Variants in ADAMTS16 observed in about 807,000 individuals in gnomAD.
The protein encoded by ADAMTS16 is ADAM metallopeptidase with thrombospondin type 1 motif 16.
A neutral mutation model predicts 145.8 loss-of-function variants in ADAMTS16; 94 were observed. That is an observed-to-expected ratio of 0.64 (90% CI 0.55 to 0.77). The LOEUF (loss-of-function observed/expected upper bound fraction) is 0.77, where lower values mean the gene tolerates loss of function less well. ADAMTS16 is among the 30% of genes least tolerant of loss of function. ADAMTS16 has a pLI of 0.00. For synonymous variants in ADAMTS16, 659 were observed against 604.3 expected (o/e 1.09, Z -1.33); for missense variants, 1,585 against 1,591.5 (o/e 1.00, Z 0.07).
At chr5:5,207,076 A>G (rs1279255110) in intron 9 of ADAMTS16, among the ~76,000 whole-genome samples, 1 of 152,222 alleles carries the variant, frequency 6.6e-6, no homozygotes, top group Non-Finnish European at 1.5e-5. Flanking sequence ...GTTTGTTTAT[A>G]TCCTCAAAAT....
intron 17 of ADAMTS16, among the ~76,000 whole-genome samples, chr5:5,251,966 G>T (rs966916562): frequency 6.6e-6 from 1 of 152,024 alleles, no homozygotes; most frequent in South Asian, 2.1e-4. Flanking sequence ...TTCTCCTGCC[G>T]CAGCCTCCCG....
rs149778267 is a variant in ADAMTS16 at position 5,283,912 on chromosome 5, T to C, written c.2790-19356T>C. ...TTCTTTACTGGTCTGGTGGCTTTAA[T>C]AGTATTTTCTTTATAATTTTTTATA... On this transcript the variant is annotated intron_variant, in intron 18 of 22. Transcript: ENST00000274181. Among the ~76,000 whole-genome samples the C allele has an allele frequency of 1.5e-4, 23 of 152,348 alleles. No homozygotes were observed. In the East Asian group the frequency reaches 2.9e-3, roughly 19 times the overall value.
chr5:5,251,285 T>C (rs1014722276), intron 17 of ADAMTS16, among the ~76,000 whole-genome samples: 3 of 152,204 alleles, frequency 2.0e-5, no homozygotes, highest in African/African-American at 7.2e-5. Context: ...TCTATGTCAC[T>C]ATGTCATCTG....
chr5:5,313,233 C>T (rs1740527610), intron 21 of ADAMTS16, among the ~76,000 whole-genome samples: 1 of 152,156 alleles, frequency 6.6e-6, no homozygotes, highest in African/African-American at 2.4e-5. Flanking sequence ...AGCACTTGTG[C>T]CCAAGTCTCT....
At chr5:5,144,165 A>G (rs1459118674) in intron 2 of ADAMTS16, among the ~76,000 whole-genome samples, 1 of 152,130 alleles carries the variant, frequency 6.6e-6, no homozygotes, top group Admixed American at 6.5e-5. Context: ...TAGCGAACAT[A>G]ATAACAATGC....
intron 17 of ADAMTS16, among the ~76,000 whole-genome samples, chr5:5,253,551 C>T (rs906193159): frequency 1.3e-5 from 2 of 152,178 alleles, no homozygotes; most frequent in Admixed American, 6.5e-5. Context: ...CAGTTCCCAG[C>T]TTGACTTCTC....
At chr5:5,284,666 T>C (rs776889844) in intron 18 of ADAMTS16, among the ~76,000 whole-genome samples, 2 of 152,254 alleles carry the variant, frequency 1.3e-5, no homozygotes, top group Admixed American at 6.5e-5. Flanking sequence ...GGTGTCTTCA[T>C]TGAATTCTCA....
Position 5,303,332 on chromosome 5 carries a change from G to C in ADAMTS16, c.2854G>C (p.Val952Leu). ...TCGGGAQSRP[V>L]QCTRRVHYDS... ...TGGCGGGGGTGCCCAGAGCCGCCCCGTGCAGTGCACACGGCGGGTGCACTA... is the reference window on the plus strand; with the variant it reads ...TGGCGGGGGTGCCCAGAGCCGCCCCCTGCAGTGCACACGGCGGGTGCACTA... Residue 952 changes from valine to leucine, a missense_variant, in exon 19 of 23, where the codon GTG becomes CTG. Physicochemically the swap from Val to Leu is conservative, Grantham distance 32. Transcript: ENST00000274181. 1 of 1,606,456 alleles carries C rather than the reference G, an allele frequency of 6.2e-7. No individual in the cohort carries two copies. Among genetic ancestry groups the C allele is most frequent in the Non-Finnish European group, 8.5e-7 (1 of 1,177,018 alleles).
intron 17 of ADAMTS16, among the ~76,000 whole-genome samples, chr5:5,258,785 C>T (rs1737888830): frequency 1.3e-5 from 2 of 151,834 alleles, no homozygotes; most frequent in Admixed American, 1.3e-4. Flanking sequence ...AAAAAATAGG[C>T]TTTTAATCTG....
chr5:5,214,335 AT>A (rs1736365405), intron 10 of ADAMTS16, among the ~76,000 whole-genome samples: 2 of 152,180 alleles, frequency 1.3e-5, no homozygotes, highest in Non-Finnish European at 2.9e-5. Context: ...AAATCACATA[AT>A]GTCAGATCAT....
At chr5:5,311,575 C>A (rs1244408013) in intron 21 of ADAMTS16, among the ~76,000 whole-genome samples, 24 of 147,688 alleles carry the variant, frequency 1.6e-4, no homozygotes, top group African/African-American at 5.3e-4. Context: ...TGAGATGAAG[C>A]CTTGCTCTGT....
intron 5 of ADAMTS16, 99 bp downstream of exon 5, chr5:5,186,350 T>G: frequency 9.1e-7 from 1 of 1,104,698 alleles, no homozygotes; most frequent in Non-Finnish European, 1.3e-6. Context: ...ATTTTACTTG[T>G]TACCTGTGGA....
intron 3 of ADAMTS16, among the ~76,000 whole-genome samples, chr5:5,157,436 T>A (rs955700655): frequency 6.6e-6 from 1 of 152,086 alleles, no homozygotes; most frequent in Non-Finnish European, 1.5e-5. Context: ...TGCTGATCAC[T>A]CCCTAGCTTT....
chr5:5,277,904 C>A (rs1004553237), intron 18 of ADAMTS16, among the ~76,000 whole-genome samples: 1 of 152,034 alleles, frequency 6.6e-6, no homozygotes, highest in South Asian at 2.1e-4. Context: ...ATTGTTTGCA[C>A]CTGGGAGGTC....
Position 5,239,463 on chromosome 5 carries a change from A to T in ADAMTS16, c.2278+189A>T, listed in dbSNP as rs542592379. On this transcript the variant is annotated intron_variant, in intron 15 of 22. Coordinates refer to ENST00000274181, the MANE Select transcript of ADAMTS16 (RefSeq NM_139056.4). ...AGTGGTTGCTGAGTTATTTGCAATA[A>T]AATTGTTCTTAGGAAAAGTGACCAT... is the stretch of plus-strand genomic sequence containing the variant. Among the ~76,000 whole-genome samples, 21 of 152,262 alleles carry T rather than the reference A, an allele frequency of 1.4e-4. 1 individual carries two copies. The South Asian group carries it at 4.4e-3, about 32-fold the overall frequency.
At chr5:5,267,832 C>T (rs898845564) in intron 18 of ADAMTS16, among the ~76,000 whole-genome samples, 4 of 152,174 alleles carry the variant, frequency 2.6e-5, no homozygotes, top group South Asian at 2.1e-4. Flanking sequence ...CACCAGGGAC[C>T]GCCCCCTTCT....
rs373752734 is a variant in ADAMTS16 at position 5,237,019 on chromosome 5, T to C, written c.2074T>C (p.Phe692Leu). 8.7e-6 allele frequency: 14 copies of C among 1,614,006 alleles called. No individual in the cohort carries two copies. In the African/African-American group the frequency reaches 1.9e-4, roughly 22 times the overall value. Reference protein sequence around the residue: ...YCIAEGFDFFFSLSNKVKDGT... With the variant: ...YCIAEGFDFFLSLSNKVKDGT... ...TATCGCAGAAGGATTTGATTTCTTC[T>C]TTTCTTTGTCAAATAAAGTCAAAGA... Residue 692 changes from phenylalanine to leucine, a missense_variant, in exon 14 of 23, where the codon TTT (phenylalanine) becomes CTT (leucine). Physicochemically the swap from Phe to Leu is conservative, Grantham distance 22. Coordinates refer to ENST00000274181, the MANE Select transcript of ADAMTS16 (RefSeq NM_139056.4).
Position 5,146,188 on chromosome 5 carries a change from A to T in ADAMTS16, c.234A>T (p.Glu78Asp), listed in dbSNP as rs777685504. ...VDHRGDYVSHEIMHHQRRRRA... is the reference protein window; with the variant it reads ...VDHRGDYVSHDIMHHQRRRRA... ...ACAGGGGCGATTACGTGTCCCATGA[A>T]ATCATGCACCATCAGCGGCGGAGAA... The change falls in exon 3 of 23, where the codon GAA becomes GAT. Residue 78 changes from glutamate (E) to aspartate (D), a missense_variant. By Grantham distance (45) the Glu-to-Asp change is conservative. Transcript: ENST00000274181. The T allele has an allele frequency of 1.2e-6, 2 of 1,614,190 alleles. No individual in the cohort carries two copies. Among genetic ancestry groups the T allele is most frequent in the Non-Finnish European group, 1.7e-6 (2 of 1,180,052 alleles).
chr5:5,274,372 C>T (rs1359342352), intron 18 of ADAMTS16, among the ~76,000 whole-genome samples: 1 of 152,180 alleles, frequency 6.6e-6, no homozygotes, highest in East Asian at 1.9e-4. Context: ...ATCCTCCCTC[C>T]CGACCAACCC....
Sources: gnomAD v4.1 joint callset for allele counts (sites outside exome capture counted in the v4.1 genomes callset) on GRCh38, gnomAD v4.1.1 for gene constraint, MANE v1.5 for transcripts, NCBI Gene and HGNC (gene_info 2026-07-23, HGNC 2026-07-21) for gene names.